Variants in ROBO1 observed in about 807,000 individuals in gnomAD.
ROBO1 encodes the protein roundabout guidance receptor 1, also known as roundabout homolog 1.
A neutral mutation model predicts 195.9 loss-of-function variants in ROBO1; 149 were observed. The observed-to-expected ratio is 0.76, with a 90% CI of 0.67 to 0.87. The LOEUF (loss-of-function observed/expected upper bound fraction) is 0.87. ROBO1 is among the 40% of genes least tolerant of loss of function. The probability of loss-of-function intolerance (pLI) is 0.00; values close to 1 mark genes in which losing one functional copy is unlikely to be tolerated. For synonymous variants in ROBO1, 816 were observed against 733.2 expected (o/e 1.11, Z -1.82); for missense variants, 1,933 against 2,068.3 (o/e 0.93, Z 1.27).
At chr3:78,915,671 CTTCA>C (rs2038517388) in intron 4 of ROBO1, among the ~76,000 whole-genome samples, 1 of 151,458 alleles carries the variant, frequency 6.6e-6, no homozygotes, top group Non-Finnish European at 1.5e-5. Flanking sequence ...TCCTTCCTTC[CTTCA>C]TTTCTTTCTG....
chr3:79,380,058 C>T (rs1036287953), intron 2 of ROBO1, among the ~76,000 whole-genome samples: 4 of 152,102 alleles, frequency 2.6e-5, no homozygotes, highest in African/African-American at 9.7e-5. Flanking sequence ...CTGTAGATTC[C>T]TCACATAATT....
chr3:79,171,458 T>C (rs2108695197), intron 2 of ROBO1, among the ~76,000 whole-genome samples: 1 of 151,168 alleles, frequency 6.6e-6, no homozygotes, highest in East Asian at 1.9e-4. Context: ...GGCTTAATTT[T>C]TTCTTTTGTT....
chr3:78,598,382 AG>A lies in ROBO1; in HGVS notation c.*530del, dbSNP rs1290624703. 1 of 152,560 alleles carries A rather than the reference AG, an allele frequency of 6.6e-6. No homozygotes were observed. The highest frequency in any genetic ancestry group is 2.4e-5 in the African/African-American group (1 of 41,458). 9.5% of individuals were successfully genotyped at this position (152,560 alleles called of 1,614,324 possible). A position where few individuals can be genotyped will look rare whatever the true frequency, so the allele number is the denominator to read the frequency against. ...GTGGTTCTGCATTTGCTATATTTTT[AG>A]TTTCTTCCAGCAAAGGGTAGTATGA... is the stretch of plus-strand genomic sequence containing the variant. On this transcript the variant is annotated 3_prime_UTR_variant, in exon 31 of 31. Coordinates refer to ENST00000464233, the MANE Select transcript of ROBO1 (RefSeq NM_002941.4).
chr3:79,365,775 T>C (rs940068939), intron 2 of ROBO1, among the ~76,000 whole-genome samples: 4 of 151,644 alleles, frequency 2.6e-5, no homozygotes, highest in Non-Finnish European at 5.9e-5. Flanking sequence ...CGGGTGCCTG[T>C]AGTCCCAGCT....
intron 1 of ROBO1, among the ~76,000 whole-genome samples, chr3:79,691,551 AG>A (rs1947298399): frequency 6.6e-6 from 1 of 151,740 alleles, no homozygotes; most frequent in Admixed American, 6.6e-5. Flanking sequence ...ATGTCAAGGA[AG>A]GGAAATTAGT....
At chr3:78,662,148 G>A (rs1249149822) in intron 14 of ROBO1, 34 bp from the exon 15 acceptor site, 9 of 1,543,884 alleles carry the variant, frequency 5.8e-6, no homozygotes, top group African/African-American at 1.4e-5. Flanking sequence ...GTCAGGGTCT[G>A]CACAACGTTA....
chr3:79,111,775 C>T (rs2079891690), intron 3 of ROBO1, among the ~76,000 whole-genome samples: 1 of 152,106 alleles, frequency 6.6e-6, no homozygotes, highest in South Asian at 2.1e-4. Context: ...ATACTGGATA[C>T]AAGGGCTAGT....
intron 2 of ROBO1, among the ~76,000 whole-genome samples, chr3:79,560,800 T>G (rs892273940): frequency 2.6e-5 from 4 of 151,996 alleles, no homozygotes; most frequent in African/African-American, 7.2e-5. Context: ...AAAGAAAAAC[T>G]AAGTGCTTCG....
At position 78,704,578 on chromosome 3, in the gene ROBO1, T is replaced by C. The variant is rs557591162; in HGVS notation, c.1045+9819A>G. Among the ~76,000 whole-genome samples, 11 of 138,524 alleles carry C rather than the reference T, an allele frequency of 7.9e-5. No individual in the cohort carries two copies. The South Asian group carries it at 2.6e-3, about 33-fold the overall frequency. The allele number at this position is 138,524 out of a possible 152,430, so 90.9% of individuals were successfully genotyped here. On this transcript the variant is annotated intron_variant, in intron 8 of 30. Coordinates refer to ENST00000464233, the MANE Select transcript of ROBO1 (RefSeq NM_002941.4). ...ACAATATGAAATAATTATCTAATGG[T>C]TCATTAAACACACACATACACACAC...
At chr3:79,567,291 G>A (rs974477982) in intron 2 of ROBO1, among the ~76,000 whole-genome samples, 4 of 151,998 alleles carry the variant, frequency 2.6e-5, no homozygotes, top group African/African-American at 9.7e-5. Flanking sequence ...TCGGGCACTA[G>A]GCTTAATACC....
At chr3:78,761,350 C>T (rs779789724) in intron 4 of ROBO1, among the ~76,000 whole-genome samples, 8 of 152,050 alleles carry the variant, frequency 5.3e-5, no homozygotes, top group Non-Finnish European at 1.2e-4. Context: ...CCACTTGGAA[C>T]AGCAACGCTT....
chr3:79,586,079 T>A (rs550126614), intron 2 of ROBO1, among the ~76,000 whole-genome samples: 6 of 152,042 alleles, frequency 3.9e-5, no homozygotes, highest in African/African-American at 1.4e-4. Context: ...ACATTTAGAT[T>A]TCTGGAATTC....
intron 4 of ROBO1, among the ~76,000 whole-genome samples, chr3:78,834,072 G>A (rs1038672038): frequency 1.3e-5 from 2 of 152,104 alleles, no homozygotes; most frequent in Admixed American, 6.6e-5. Flanking sequence ...GATCCAGTAA[G>A]GTAGGAAATG....
chr3:78,693,381 C>G, intron 8 of ROBO1: 1 of 1,472,940 alleles, frequency 6.8e-7, no homozygotes, highest in Non-Finnish European at 9.3e-7. Context: ...AAAAAGAAAA[C>G]ATGGAATAAA....
At chr3:78,603,472 T>TTGTACC (rs912235746) in intron 29 of ROBO1, among the ~76,000 whole-genome samples, 8 of 152,154 alleles carry the variant, frequency 5.3e-5, no homozygotes, top group Admixed American at 5.2e-4. Flanking sequence ...TCTCCCTGAC[T>TTGTACC]ACAAGCCCCT....
chr3:79,068,785 T>C (rs983894644), intron 3 of ROBO1, among the ~76,000 whole-genome samples: 1 of 151,818 alleles, frequency 6.6e-6, no homozygotes, highest in Non-Finnish European at 1.5e-5. Flanking sequence ...CAATCTAACT[T>C]TCTCAATTAT....
chr3:79,117,165 C>T (rs143337075), intron 3 of ROBO1, among the ~76,000 whole-genome samples: 34 of 151,868 alleles, frequency 2.2e-4, no homozygotes, highest in Non-Finnish European at 4.3e-4. Flanking sequence ...CTCAGGAGTT[C>T]GTGACCAGCC....
chr3:78,880,986 T>C (rs914775613), intron 4 of ROBO1, among the ~76,000 whole-genome samples: 2 of 152,170 alleles, frequency 1.3e-5, no homozygotes, highest in African/African-American at 2.4e-5. Flanking sequence ...CAGACCCTGA[T>C]AGTTATGGAC....
intron 3 of ROBO1, among the ~76,000 whole-genome samples, chr3:78,942,510 G>A (rs1391092689): frequency 6.6e-6 from 1 of 152,118 alleles, no homozygotes; most frequent in Non-Finnish European, 1.5e-5. Flanking sequence ...AATGGGTGAA[G>A]AGCAGTCTCA....
Sources: allele counts gnomAD v4.1 joint callset (sites outside exome capture counted in the v4.1 genomes callset), GRCh38; gene constraint gnomAD v4.1.1; transcripts MANE v1.5; gene names NCBI Gene and HGNC (gene_info 2026-07-23, HGNC 2026-07-21).